The following CASP5 variants were observed in gnomAD, a reference collection of about 807,000 sequenced individuals.
CASP5 encodes the protein caspase 5.
A neutral mutation model predicts 45.2 loss-of-function variants in CASP5; 42 were observed. The ratio of observed to expected loss-of-function variants is 0.93; its 90% CI spans 0.73 to 1.20. The LOEUF (loss-of-function observed/expected upper bound fraction) is 1.20, where lower values mean the gene tolerates loss of function less well. Among genes scored for constraint, CASP5 ranks in the 50% most tolerant of loss-of-function variants. CASP5 has a pLI of 0.00. For synonymous variants in CASP5, 209 were observed against 186.2 expected (o/e 1.12, Z -1.00); for missense variants, 512 against 532.2 (o/e 0.96, Z 0.37).
At chr11:105,006,512 A>G (rs3181172) in intron 3 of CASP5, among the ~76,000 whole-genome samples, 8,592 of 152,262 alleles carry the variant, frequency 0.056, 736 homozygotes, top group African/African-American at 0.19. Context: ...AAAACAAAGC[A>G]TTTAATTTTA....
intron 7 of CASP5, among the ~76,000 whole-genome samples, chr11:104,998,667 G>A (rs1210689895): frequency 6.6e-6 from 1 of 152,200 alleles, no homozygotes; most frequent in Non-Finnish European, 1.5e-5. Flanking sequence ...TGACTGTAAA[G>A]TGTAACACTT....
At chr11:104,995,943 G>A in intron 8 of CASP5, 101 bp from the exon 9 acceptor site, 3 of 724,946 alleles carry the variant, frequency 4.1e-6, no homozygotes, top group Non-Finnish European at 7.2e-6. Flanking sequence ...GAGCTTCCAG[G>A]GTTGATAGGA....
chr11:105,000,594 C>T (rs992786401), intron 5 of CASP5, 99 bp from the exon 6 acceptor site: 19 of 1,093,808 alleles, frequency 1.7e-5, no homozygotes, highest in South Asian at 5.6e-5. Flanking sequence ...ATGTAACATC[C>T]GGGTCGTGGT....
Position 105,002,020 on chromosome 11 carries a change from G to T in CASP5, c.717+8C>A. ...TGGATGAGTGTGAGATGGCTTAGGG[G>T]TTCTTACCCTGGCTGTGAGATTCTT... On this transcript the variant is annotated splice_region_variant and intron_variant, in intron 5 of 9. Coordinates refer to ENST00000260315, the MANE Select transcript of CASP5 (RefSeq NM_004347.5). 6.2e-7 allele frequency: 1 copy of T among 1,613,650 alleles called. No homozygotes were observed. Among genetic ancestry groups the T allele is most frequent in the Non-Finnish European group, 8.5e-7 (1 of 1,179,784 alleles).
intron 9 of CASP5, among the ~76,000 whole-genome samples, chr11:104,994,893 A>T (rs1403436383): frequency 6.6e-6 from 1 of 152,200 alleles, no homozygotes; most frequent in African/African-American, 2.4e-5. Context: ...ATAGTTGAGC[A>T]TGTATTTTCT....
At chr11:105,016,070 T>A (rs987411291) in intron 1 of CASP5, among the ~76,000 whole-genome samples, 6 of 152,328 alleles carry the variant, frequency 3.9e-5, no homozygotes, top group African/African-American at 1.4e-4. Flanking sequence ...TGTATGTTGC[T>A]GAGTAAGAAA....
At chr11:105,002,464 T>C (rs963381447) in intron 4 of CASP5, among the ~76,000 whole-genome samples, 1 of 152,200 alleles carries the variant, frequency 6.6e-6, no homozygotes, top group Non-Finnish European at 1.5e-5. Context: ...CAAACATTTC[T>C]TATATTTAGG....
intron 1 of CASP5, among the ~76,000 whole-genome samples, chr11:105,009,550 A>G (rs1862167267): frequency 6.6e-6 from 1 of 151,288 alleles, no homozygotes; most frequent in Non-Finnish European, 1.5e-5. Context: ...CAACTTAATC[A>G]TTAAGTGGAT....
At chr11:105,017,989 G>A (rs1384085272) in intron 1 of CASP5, among the ~76,000 whole-genome samples, 2 of 152,206 alleles carry the variant, frequency 1.3e-5, no homozygotes, top group African/African-American at 4.8e-5. Context: ...AGAAGAGAAT[G>A]AGGGCCAATA....
chr11:105,002,190 T>C lies in CASP5; in HGVS notation c.555A>G (p.Ile185Met), dbSNP rs201727954. Residue 185 changes from isoleucine to methionine, a missense_variant, in exon 5 of 10, where the codon ATA (isoleucine) becomes ATG (methionine). Physicochemically the swap from Ile to Met is conservative, Grantham distance 10. Transcript: ENST00000260315. ...GGCGTCTGCGGTCCTCTCTCTTTTT[T>C]ATTGGATAGATCTGCAGGAGATGGA... ...CKKNHDEIYP[I>M]KKREDRRRLA... 3.1e-6 allele frequency: 5 copies of C among 1,614,072 alleles called. No individual in the cohort carries two copies. Among genetic ancestry groups the C allele is most frequent in the Non-Finnish European group, 4.2e-6 (5 of 1,179,978 alleles).
chr11:105,007,149 G>A lies in CASP5; in HGVS notation c.367C>T (p.Arg123Cys). ...LILVDSLRKN[R>C]VAHQMFTQTL... ...TGGGTAAACATTTGATGAGCCACGC[G>A]ATTCTTTCGCAAAGAGTCTACCAAG... Residue 123 changes from arginine to cysteine, a missense_variant, in exon 3 of 10, where the codon CGC (arginine) becomes TGC (cysteine). Transcript: ENST00000260315. The A allele has an allele frequency of 5.0e-6, 8 of 1,613,584 alleles. No homozygotes were observed. Among genetic ancestry groups the A allele is most frequent in the South Asian group, 1.1e-5 (1 of 91,074 alleles).
Position 105,007,308 on chromosome 11 carries a change from T to G in CASP5, c.208A>C (p.Lys70Gln). 6.3e-7 allele frequency: 1 copy of G among 1,596,914 alleles called. No homozygotes were observed. The highest frequency in any genetic ancestry group is 8.5e-7 in the Non-Finnish European group (1 of 1,176,612). ...KKDNHKKKTV[K>Q]MLEYLGKDVL... Reference sequence around the variant, plus strand: ...TCTTTGCCCAGGTATTCCAACATCTTAACTGTTTTTTTTTTGTGGTTGTCT... The same window carrying G: ...TCTTTGCCCAGGTATTCCAACATCTGAACTGTTTTTTTTTTGTGGTTGTCT... Residue 70 changes from lysine to glutamine, a missense_variant, in exon 3 of 10, where the codon AAG becomes CAG. Physicochemically the swap from Lys to Gln is moderately conservative, Grantham distance 53. Coordinates refer to ENST00000260315, the MANE Select transcript of CASP5 (RefSeq NM_004347.5).
chr11:105,016,119 TTAAC>T (rs1316938479), intron 1 of CASP5, among the ~76,000 whole-genome samples: 1 of 151,812 alleles, frequency 6.6e-6, no homozygotes, highest in Non-Finnish European at 1.5e-5. Context: ...GAGGTGAGAG[TTAAC>T]TAACTGACCA....
chr11:105,017,679 A>G (rs1862699759), intron 1 of CASP5, among the ~76,000 whole-genome samples: 1 of 152,132 alleles, frequency 6.6e-6, no homozygotes, highest in South Asian at 2.1e-4. Context: ...TCTACGTCTG[A>G]TTGGTGTACC....
At chr11:105,009,824 T>TACAC (rs1565388398) in intron 1 of CASP5, among the ~76,000 whole-genome samples, 1 of 94,174 alleles carries the variant, frequency 1.1e-5, no homozygotes, top group East Asian at 3.6e-4. Context: ...CATATATATA[T>TACAC]ACACATATAT....
chr11:104,999,308 G>A (rs949183355), intron 6 of CASP5, among the ~76,000 whole-genome samples: 4 of 152,064 alleles, frequency 2.6e-5, no homozygotes, highest in Non-Finnish European at 5.9e-5. Context: ...AGTGGTGTTT[G>A]GTTTTCTATT....
At chr11:105,012,198 G>A (rs79253159) in intron 1 of CASP5, among the ~76,000 whole-genome samples, 8,555 of 151,714 alleles carry the variant, frequency 0.056, 720 homozygotes, top group African/African-American at 0.19. Flanking sequence ...CACTTTCTTC[G>A]ATAAATGATG....
intron 1 of CASP5, among the ~76,000 whole-genome samples, chr11:105,022,622 A>G (rs565270753): frequency 6.6e-6 from 1 of 152,290 alleles, no homozygotes; most frequent in Non-Finnish European, 1.5e-5. Flanking sequence ...ATATTACATT[A>G]TAAGAGTTAG....
At chr11:105,003,207 G>T in intron 4 of CASP5, 67 bp downstream of exon 4, 1 of 985,496 alleles carries the variant, frequency 1.0e-6, no homozygotes, top group Non-Finnish European at 1.6e-6. Context: ...TTTTAAAAAT[G>T]TGCATTGCAT....
Sources: gnomAD v4.1 joint callset for allele counts (sites outside exome capture counted in the v4.1 genomes callset) on GRCh38, gnomAD v4.1.1 for gene constraint, MANE v1.5 for transcripts, NCBI Gene and HGNC (gene_info 2026-07-23, HGNC 2026-07-21) for gene names.